Variants in DCLRE1C observed in about 807,000 individuals in gnomAD.
DCLRE1C encodes DNA cross-link repair 1C, also known as protein artemis.
Under a neutral mutation model 61.4 loss-of-function variants are expected in DCLRE1C, and 47 were observed. That is an observed-to-expected ratio of 0.77 (90% confidence interval 0.61 to 0.98). The LOEUF is 0.98. Among genes scored for constraint, DCLRE1C ranks in the 50% least tolerant of loss-of-function variants. The probability of loss-of-function intolerance (pLI) is 0.00; values close to 1 mark genes in which losing one functional copy is unlikely to be tolerated. For missense variants in DCLRE1C, 858 were observed against 816.0 expected (o/e 1.05, Z -0.63); for synonymous variants, 337 against 287.6 (o/e 1.17, Z -1.74).
chr10:14,937,381 G>T (rs532121716), intron 4 of DCLRE1C, among the ~76,000 whole-genome samples: 37 of 150,626 alleles, frequency 2.5e-4, no homozygotes, highest in South Asian at 6.3e-4. Flanking sequence ...TGCCTCCTGG[G>T]TTCAAGTAAT....
chr10:14,910,753 C>CG (rs1217519832), intron 13 of DCLRE1C, among the ~76,000 whole-genome samples: 3 of 149,422 alleles, frequency 2.0e-5, no homozygotes, highest in Admixed American at 2.0e-4. Flanking sequence ...GAAGAAAGGA[C>CG]TTTTGCTTCC....
rs1199734343 is a variant in DCLRE1C at position 14,906,520 on chromosome 10, TAC to T, written c.*1886_*1887del. Among the ~76,000 whole-genome samples, 1 of 152,258 alleles carries T rather than the reference TAC, an allele frequency of 6.6e-6. No individual in the cohort carries two copies. The highest frequency in any genetic ancestry group is 2.4e-5 in the African/African-American group (1 of 41,470). ...TGAACAACCACTTTCGATCATAAGG[TAC>T]ACTGTTAAAACTAAGTTTTAGTTAA... On this transcript the variant is annotated 3_prime_UTR_variant, in exon 14 of 14. Coordinates refer to ENST00000378278, the MANE Select transcript of DCLRE1C (RefSeq NM_001033855.3).
intron 13 of DCLRE1C, chr10:14,911,276 G>T (rs1835209814): frequency 6.6e-6 from 1 of 152,188 alleles, no homozygotes; most frequent in Non-Finnish European, 1.5e-5. Flanking sequence ...GAACCAAGAA[G>T]AGCCTTGCCT....
At chr10:14,911,423 CA>C (rs1447997876) in intron 13 of DCLRE1C, 1 of 152,098 alleles carries the variant, frequency 6.6e-6, no homozygotes, top group Non-Finnish European at 1.5e-5. Flanking sequence ...TTAGAAATCC[CA>C]AAATTATGCA....
Position 14,922,969 on chromosome 10 carries a change from G to T in DCLRE1C, c.1061+12C>A. 6.2e-7 allele frequency: 1 copy of T among 1,606,058 alleles called. No homozygotes were observed. Among genetic ancestry groups the T allele is most frequent in the Non-Finnish European group, 8.5e-7 (1 of 1,172,590 alleles). On this transcript the variant is annotated intron_variant, in intron 12 of 13. Transcript: ENST00000378278. ...AGGGGGACACCAAGTCCCACAACCA[G>T]TGACTACTCACATTTCGACAACTTT...
chr10:14,944,662 ATTTTTTTTTTCTTTTTTTTT>A (rs1348429607), intron 3 of DCLRE1C, among the ~76,000 whole-genome samples: 2 of 138,850 alleles, frequency 1.4e-5, no homozygotes, highest in African/African-American at 2.8e-5. Context: ...AACAGACTTA[ATTTTTTTTTTCTTTTTTTTT>A]TTTTTTTTTT....
intron 13 of DCLRE1C, among the ~76,000 whole-genome samples, chr10:14,912,284 G>C (rs1835384858): frequency 6.6e-6 from 1 of 152,108 alleles, no homozygotes; most frequent in Non-Finnish European, 1.5e-5. Context: ...TTGAACTCCT[G>C]ATCTCAGGTG....
chr10:14,948,890 G>C, intron 2 of DCLRE1C, 146 bp downstream of exon 2: 1 of 659,320 alleles, frequency 1.5e-6, no homozygotes, highest in East Asian at 2.8e-5. Flanking sequence ...GAGGGGTCTG[G>C]GATATTGGTA....
intron 3 of DCLRE1C, among the ~76,000 whole-genome samples, chr10:14,943,706 C>T (rs1300624886): frequency 1.3e-5 from 2 of 152,152 alleles, no homozygotes; most frequent in African/African-American, 2.4e-5. Context: ...GCACCGCCAC[C>T]ACACCCAATT....
chr10:14,944,342 C>T (rs966298268), intron 3 of DCLRE1C, among the ~76,000 whole-genome samples: 2 of 151,942 alleles, frequency 1.3e-5, no homozygotes, highest in African/African-American at 4.8e-5. Context: ...CTACTAAAAA[C>T]ACAAATATTA....
At chr10:14,950,106 C>T (rs1030263869) in intron 1 of DCLRE1C, among the ~76,000 whole-genome samples, 20 of 151,920 alleles carry the variant, frequency 1.3e-4, no homozygotes, top group Admixed American at 6.6e-4. Flanking sequence ...TTTGGGAGGC[C>T]GAGGCAGGCG....
At chr10:14,911,611 G>C (rs969774602) in intron 13 of DCLRE1C, among the ~76,000 whole-genome samples, 2 of 151,836 alleles carry the variant, frequency 1.3e-5, no homozygotes, top group Non-Finnish European at 2.9e-5. Context: ...TGCAATAAAA[G>C]AAAAAAATAG....
chr10:14,940,883 TC>T (rs1840748364), intron 3 of DCLRE1C, among the ~76,000 whole-genome samples: 1 of 152,206 alleles, frequency 6.6e-6, no homozygotes, highest in South Asian at 2.1e-4. Context: ...AATGGGTTTT[TC>T]CCCATTTATT....
intron 12 of DCLRE1C, 34 bp from the exon 13 acceptor site, chr10:14,919,866 T>A: frequency 6.4e-7 from 1 of 1,556,502 alleles, no homozygotes; most frequent in Non-Finnish European, 8.9e-7. Flanking sequence ...TTTTTCCTTT[T>A]GAGGAAGTTG....
chr10:14,930,397 T>A (rs1394497511), intron 9 of DCLRE1C, among the ~76,000 whole-genome samples: 1 of 149,684 alleles, frequency 6.7e-6, no homozygotes, highest in Non-Finnish European at 1.5e-5. Context: ...CCTCCCAAAG[T>A]GCTGGGATTA....
chr10:14,912,728 C>T (rs187021971), intron 13 of DCLRE1C, among the ~76,000 whole-genome samples: 82 of 152,306 alleles, frequency 5.4e-4, no homozygotes, highest in African/African-American at 1.7e-3. Flanking sequence ...CTCGCTCTGT[C>T]GCCCACACTG....
chr10:14,934,554 G>A (rs1248991515), intron 7 of DCLRE1C, 34 bp from the exon 8 acceptor site: 5 of 1,614,010 alleles, frequency 3.1e-6, no homozygotes, highest in Non-Finnish European at 2.5e-6. Context: ...TTTAACAGGT[G>A]GAGAGCCGCA....
downstream of DCLRE1C, chr10:14,902,293 C>T: frequency 1.7e-6 from 1 of 578,628 alleles, no homozygotes; most frequent in Non-Finnish European, 2.9e-6. Flanking sequence ...AGGGTCTTGA[C>T]CATGTAAGTA....
chr10:14,937,893 C>CAAA (rs749452841), intron 4 of DCLRE1C, among the ~76,000 whole-genome samples: 8 of 40,640 alleles, frequency 2.0e-4, no homozygotes, highest in East Asian at 7.8e-4. Context: ...GGCTCAGTCT[C>CAAA]AAAAAAAAAA....
Sources: allele counts gnomAD v4.1 joint callset (sites outside exome capture counted in the v4.1 genomes callset), GRCh38; gene constraint gnomAD v4.1.1; transcripts MANE v1.5; gene names NCBI Gene and HGNC (gene_info 2026-07-23, HGNC 2026-07-21).